GMNC: variants seen among roughly 807,000 people sequenced by gnomAD.
GMNC encodes geminin coiled-coil domain containing.
Under a neutral mutation model 33.6 loss-of-function variants are expected in GMNC, and 16 were observed. The ratio of observed to expected loss-of-function variants is 0.48; its 90% CI spans 0.32 to 0.72. The LOEUF (loss-of-function observed/expected upper bound fraction) is 0.72, where lower values mean the gene tolerates loss of function less well. GMNC is among the 30% of genes least tolerant of loss of function. The pLI, the probability that GMNC is intolerant of heterozygous loss-of-function variation, is 0.03. For missense variants in GMNC, 393 were observed against 388.9 expected, an observed-to-expected ratio of 1.01 and a Z score of -0.09; for synonymous variants, 156 against 147.3, an observed-to-expected ratio of 1.06 and a Z score of -0.43.
At chr3:190,852,439 T>G (rs9828366), downstream of GMNC, among the ~76,000 whole-genome samples, 32,718 of 152,028 alleles carry the variant, frequency 0.22, 3,782 homozygotes, top group South Asian at 0.43. Flanking sequence ...AGCAACAACC[T>G]TTTTTTCCAG....
intron 2 of GMNC, 137 bp from the exon 3 acceptor site, chr3:190,859,153 C>T (rs1737810178): frequency 1.7e-6 from 1 of 594,616 alleles, no homozygotes; most frequent in Non-Finnish European, 2.9e-6. Context: ...TACAGGAAAA[C>T]AAGACATTTA....
At position 190,859,713 on chromosome 3, in the gene GMNC, A is replaced by G. The variant is rs181335939; in HGVS notation, c.179-697T>C. 4.1e-5 allele frequency: 15 copies of G among 366,338 alleles called. No homozygotes were observed. The East Asian group carries it at 1.1e-3, about 27-fold the overall frequency. 22.7% of individuals were successfully genotyped at this position (366,338 alleles called of 1,614,324 possible). A position where few individuals can be genotyped will look rare whatever the true frequency, so the allele number is the denominator to read the frequency against. On this transcript the variant is annotated intron_variant, in intron 2 of 4. Transcript: ENST00000442080. Reference sequence around the variant, plus strand: ...CCATATTTGACAGTCAGCTCTATCTATCAATAAAAAACTATGGTTGGGCAT... The same window carrying G: ...CCATATTTGACAGTCAGCTCTATCTGTCAATAAAAAACTATGGTTGGGCAT...
rs1158028949 is a variant in GMNC at position 190,859,007 on chromosome 3, C to G, written c.188G>C (p.Ser63Thr). Reference protein sequence around the residue: ...QQAPQAQESFSDSNFPLPDLC... With the variant: ...QQAPQAQESFTDSNFPLPDLC... ...GTCCGGAAGAGGAAAATTTGAGTCA[C>G]TGAATGATTCTGTGAAAATACAAAT... The change falls in exon 3 of 5, where the codon AGT becomes ACT. Residue 63 changes from serine to threonine, a missense_variant. Ser to Thr is a moderately conservative substitution (Grantham distance 58). Transcript: ENST00000442080. 7.8e-6 allele frequency: 12 copies of G among 1,540,446 alleles called. 1 individual carries two copies. In the Middle Eastern group the frequency reaches 5.0e-4, roughly 64 times the overall value.
downstream of GMNC, among the ~76,000 whole-genome samples, chr3:190,849,238 G>A (rs1163092141): frequency 6.6e-6 from 1 of 152,154 alleles, no homozygotes; most frequent in Non-Finnish European, 1.5e-5. Context: ...TAAGGTTCTG[G>A]CAATATGGTG....
chr3:190,851,693 G>A (rs1737635776), downstream of GMNC, among the ~76,000 whole-genome samples: 1 of 152,008 alleles, frequency 6.6e-6, no homozygotes, highest in Non-Finnish European at 1.5e-5. Context: ...AAATTGACAT[G>A]CTTTTTTTTC....
chr3:190,844,989 T>G, the GMNC span, among the ~76,000 whole-genome samples: 2 of 152,090 alleles, frequency 1.3e-5, no homozygotes, highest in African/African-American at 4.8e-5. Context: ...GAGTATAGAT[T>G]ATATCTGTAA....
In GMNC at chr3:190,862,385, A is replaced by G. The variant is rs1306459382; in HGVS notation, c.3+228T>C. ...GAAAGAGAGAGAGAGGGCGAGAGAGAGAAAGGAGAGAAAGAAGAGGGAGAG... is the reference window on the plus strand; with the variant it reads ...GAAAGAGAGAGAGAGGGCGAGAGAGGGAAAGGAGAGAAAGAAGAGGGAGAG... On this transcript the variant is annotated intron_variant, in intron 1 of 4. Coordinates refer to ENST00000442080, the MANE Select transcript of GMNC (RefSeq NM_001146686.3). The surrounding 1 kb of genome is among the most constrained non-coding windows in gnomAD (Gnocchi z 4.5). 6.6e-6 allele frequency among the ~76,000 whole-genome samples: 1 copy of G among 150,840 alleles called. No individual in the cohort carries two copies. The highest frequency in any genetic ancestry group is 1.9e-4 in the East Asian group (1 of 5,142).
At chr3:190,857,528 A>AC (rs1737773082) in intron 4 of GMNC, among the ~76,000 whole-genome samples, 1 of 151,970 alleles carries the variant, frequency 6.6e-6, no homozygotes, top group Non-Finnish European at 1.5e-5. Context: ...TGTCTCAGCA[A>AC]CCCCCACCCT....
At position 190,861,168 on chromosome 3, in the gene GMNC, C is replaced by CTAA. The variant is rs1420165372; in HGVS notation, c.4-313_4-311dup. ...TTGTCTGTTGCAACGACCAGCCCAT[C>CTAA]TAATAGTCTACCCAGATCTAAATAA... On this transcript the variant is annotated intron_variant, in intron 1 of 4. Transcript: ENST00000442080. The surrounding 1 kb of genome is among the most constrained non-coding windows in gnomAD (Gnocchi z 5.1). Among the ~76,000 whole-genome samples the CTAA allele has an allele frequency of 6.6e-6, 1 of 152,144 alleles. No individual in the cohort carries two copies. Among genetic ancestry groups the CTAA allele is most frequent in the African/African-American group, 2.4e-5 (1 of 41,428 alleles).
chr3:190,852,658 G>A (rs988215401), downstream of GMNC, among the ~76,000 whole-genome samples: 7 of 152,084 alleles, frequency 4.6e-5, no homozygotes, highest in African/African-American at 1.7e-4. Flanking sequence ...CCTAAATGCT[G>A]AAGTCATTAG....
chr3:190,848,450 C>A (rs558692760), downstream of GMNC, among the ~76,000 whole-genome samples: 6 of 152,322 alleles, frequency 3.9e-5, no homozygotes, highest in African/African-American at 1.4e-4. Flanking sequence ...TGAATCCTTT[C>A]CTAGTTTCCC....
intron 2 of GMNC, 81 bp from the exon 3 acceptor site, chr3:190,859,097 A>C: frequency 1.2e-6 from 1 of 838,362 alleles, no homozygotes; most frequent in Non-Finnish European, 1.9e-6. Flanking sequence ...TCAAATCAGA[A>C]AGTTTAATAG....
chr3:190,855,336 C>T lies in GMNC; in HGVS notation c.964G>A (p.Glu322Lys), dbSNP rs1159091333. 1.3e-6 allele frequency: 2 copies of T among 1,551,692 alleles called. No homozygotes were observed. Among genetic ancestry groups the T allele is most frequent in the Non-Finnish European group, 1.7e-6 (2 of 1,146,850 alleles). The part of the protein sequence containing the change: ...QGQAFVRRDE[E>K]GGWKFTWVPK... ...ACCCAGGTAAACTTCCAGCCTCCCT[C>T]CTCATCTCGACGCACAAAGGCTTGT... The change falls in exon 5 of 5, where the codon GAG becomes AAG. Residue 322 changes from glutamate to lysine, a missense_variant. Physicochemically the swap from Glu to Lys is moderately conservative, Grantham distance 56. Coordinates refer to ENST00000442080, the MANE Select transcript of GMNC (RefSeq NM_001146686.3).
intron 4 of GMNC, 114 bp from the exon 5 acceptor site, chr3:190,856,029 G>T: frequency 1.3e-6 from 1 of 761,342 alleles, no homozygotes. Context: ...GATTGGATTA[G>T]CTTGTTTGTA....
chr3:190,862,413 GGAGAGAAA>G lies in GMNC; in HGVS notation c.3+192_3+199del, dbSNP rs1737892896. Among the ~76,000 whole-genome samples, 1 of 140,716 alleles carries G rather than the reference GGAGAGAAA, an allele frequency of 7.1e-6. No individual in the cohort carries two copies. Among genetic ancestry groups the G allele is most frequent in the African/African-American group, 2.8e-5 (1 of 35,422 alleles). The allele number at this position is 140,716 out of a possible 152,430, so 92.3% of individuals were successfully genotyped here. A position where few individuals can be genotyped will look rare whatever the true frequency, so the allele number is the denominator to read the frequency against. On this transcript the variant is annotated intron_variant, in intron 1 of 4. Coordinates refer to ENST00000442080, the MANE Select transcript of GMNC (RefSeq NM_001146686.3). The surrounding 1 kb of genome is among the most constrained non-coding windows in gnomAD (Gnocchi z 4.5). ...AAGGAGAGAAAGAAGAGGGAGAGAG[GGAGAGAAA>G]GAGAGAGAGAGAGAGAGAAAGCAGA...
chr3:190,859,087 T>C lies in GMNC; in HGVS notation c.179-71A>G, dbSNP rs138585347. 5.5e-4 allele frequency: 527 copies of C among 952,006 alleles called. 10 individuals carry two copies. In the East Asian group the frequency reaches 0.014, roughly 25 times the overall value. The allele number at this position is 952,006 out of a possible 1,614,324, so 59.0% of individuals were successfully genotyped here. ...CTGTGTAATAAAGAAACTTATCAAA[T>C]CAAATCAGAAAGTTTAATAGGTTCA... On this transcript the variant is annotated intron_variant, in intron 2 of 4. Coordinates refer to ENST00000442080, the MANE Select transcript of GMNC (RefSeq NM_001146686.3).
At chr3:190,848,302 T>C (rs951583598), downstream of GMNC, among the ~76,000 whole-genome samples, 4 of 152,194 alleles carry the variant, frequency 2.6e-5, no homozygotes, top group African/African-American at 9.6e-5. Context: ...AAACCTACCC[T>C]GCAGTCAACT....
At chr3:190,859,827 AT>A in intron 2 of GMNC, 1 of 455,434 alleles carries the variant, frequency 2.2e-6, no homozygotes, top group Non-Finnish European at 4.4e-6. Flanking sequence ...ATACTGAAAT[AT>A]TTTTGATTAA....
intron 2 of GMNC, among the ~76,000 whole-genome samples, chr3:190,860,196 A>G (rs1202386995): frequency 2.0e-5 from 3 of 152,184 alleles, no homozygotes; most frequent in Non-Finnish European, 4.4e-5. Context: ...TTCTCTCCAA[A>G]GTTGAAGCTT....
Sources: allele counts gnomAD v4.1 joint callset (sites outside exome capture counted in the v4.1 genomes callset), GRCh38; gene constraint gnomAD v4.1.1; non-coding constraint Gnocchi (gnomAD v3.1); transcripts MANE v1.5; gene names NCBI Gene and HGNC (gene_info 2026-07-23, HGNC 2026-07-21).